UVSSA: variants seen among roughly 807,000 people sequenced by gnomAD.
The protein encoded by UVSSA is UV stimulated scaffold protein A, also known as UV-stimulated scaffold protein A.
Under a neutral mutation model 73.9 loss-of-function variants are expected in UVSSA, and 72 were observed. The observed-to-expected ratio is 0.97, with a 90% CI of 0.81 to 1.19. The LOEUF (loss-of-function observed/expected upper bound fraction) is 1.19. Among genes scored for constraint, UVSSA ranks in the 50% most tolerant of loss-of-function variants. The pLI, the probability that UVSSA is intolerant of heterozygous loss-of-function variation, is 0.00. For missense variants in UVSSA, 1,150 were observed against 965.0 expected, an observed-to-expected ratio of 1.19 and a Z score of -2.54; for synonymous variants, 454 against 391.3, an observed-to-expected ratio of 1.16 and a Z score of -1.89.
chr4:1,346,974 C>A (rs1354138421), upstream of UVSSA, among the ~76,000 whole-genome samples: 1 of 152,222 alleles, frequency 6.6e-6, no homozygotes, highest in African/African-American at 2.4e-5. Context: ...TTTGCGCCTG[C>A]GCCTCCTGGG....
At chr4:1,345,426 C>A (rs1427986812), upstream of UVSSA, among the ~76,000 whole-genome samples, 1 of 152,006 alleles carries the variant, frequency 6.6e-6, no homozygotes, top group Non-Finnish European at 1.5e-5. Flanking sequence ...GGGCGGATCA[C>A]CTGAAGTCAG....
intron 5 of UVSSA, among the ~76,000 whole-genome samples, chr4:1,354,239 A>G (rs1200092987): frequency 1.3e-5 from 2 of 152,094 alleles, no homozygotes; most frequent in East Asian, 3.9e-4. Flanking sequence ...CCTCGCCTGT[A>G]TAGAGCTCTG....
At position 1,347,591 on chromosome 4, in the gene UVSSA, C is replaced by T. The variant is rs1713898071; in HGVS notation, c.-172C>T. 1 of 153,078 alleles carries T rather than the reference C, an allele frequency of 6.5e-6. No homozygotes were observed. The highest frequency in any genetic ancestry group is 2.4e-5 in the African/African-American group (1 of 41,464). The allele number at this position is 153,078 out of a possible 1,614,324, so 9.5% of individuals were successfully genotyped here. ...GCCTTTCCCTGGCGGTGCGGCAGGC[C>T]CTCGCCTCATCCCACCAGGCACGCC... On this transcript the variant is annotated 5_prime_UTR_variant, in exon 1 of 14. Coordinates refer to ENST00000389851, the MANE Select transcript of UVSSA (RefSeq NM_020894.4).
intron 7 of UVSSA, among the ~76,000 whole-genome samples, chr4:1,363,086 C>T (rs560352766): frequency 6.8e-5 from 10 of 146,788 alleles, no homozygotes; most frequent in Admixed American, 1.4e-4. Context: ...CAGTGAAGCC[C>T]CTCAATGCTG....
chr4:1,386,280 C>T lies in UVSSA; in HGVS notation c.*319C>T, dbSNP rs1158035568. 7 of 299,810 alleles carry T rather than the reference C, an allele frequency of 2.3e-5. No homozygotes were observed. Among genetic ancestry groups the T allele is most frequent in the East Asian group, 2.2e-4 (3 of 13,888 alleles). 18.6% of individuals were successfully genotyped at this position (299,810 alleles called of 1,614,324 possible). A position where few individuals can be genotyped will look rare whatever the true frequency, so the allele number is the denominator to read the frequency against. On this transcript the variant is annotated 3_prime_UTR_variant, in exon 14 of 14. Coordinates refer to ENST00000389851, the MANE Select transcript of UVSSA (RefSeq NM_020894.4). ...GTCGTGGTGTGGGGTTCAGCACGGACGGAATGTGTGTGCAGCTCAGCCTTC... is the reference window on the plus strand; with the variant it reads ...GTCGTGGTGTGGGGTTCAGCACGGATGGAATGTGTGTGCAGCTCAGCCTTC...
rs113126416 is a variant in UVSSA, at chr4:1,379,800, G to A, written c.1569-247G>A. Among the ~76,000 whole-genome samples, 4 of 15,136 alleles carry A rather than the reference G, an allele frequency of 2.6e-4. 1 individual carries two copies. The highest frequency in any genetic ancestry group is 4.7e-4 in the Non-Finnish European group (4 of 8,488). 9.9% of individuals were successfully genotyped at this position (15,136 alleles called of 152,430 possible). A position where few individuals can be genotyped will look rare whatever the true frequency, so the allele number is the denominator to read the frequency against. On this transcript the variant is annotated intron_variant, in intron 10 of 13. Coordinates refer to ENST00000389851, the MANE Select transcript of UVSSA (RefSeq NM_020894.4). ...GACGCAGGCGGTCGTGCCCGTGGTC[G>A]CGCGGCTGGTTCACGTGGCATCAGA...
At chr4:1,394,960 ACGT>A in exon 14 of UVSSA, 1 of 1,554,210 alleles carries the variant, frequency 6.4e-7, no homozygotes, top group African/African-American at 1.6e-5. Flanking sequence ...GCCTGCTCAC[ACGT>A]GCCCATGCGG....
In UVSSA at chr4:1,351,817, G is replaced by C; in HGVS notation, c.532G>C (p.Ala178Pro). The C allele has an allele frequency of 6.2e-7, 1 of 1,613,536 alleles. No homozygotes were observed. Among genetic ancestry groups the C allele is most frequent in the Non-Finnish European group, 8.5e-7 (1 of 1,179,732 alleles). ...AATTTATCAAGAAAGAGCCAGCCAG[G>C]CGGAGAGGGAGATGCAAGGCAAGTG... ...DKIYQERASQ[A>P]EREMQEMSGE... The change falls in exon 4 of 14, where the codon GCG becomes CCG. Residue 178 changes from alanine to proline, a missense_variant. Ala to Pro is a conservative substitution (Grantham distance 27, BLOSUM62 -1). Transcript: ENST00000389851.
chr4:1,360,775 G>T (rs1216795891), intron 7 of UVSSA, among the ~76,000 whole-genome samples: 1 of 152,220 alleles, frequency 6.6e-6, no homozygotes, highest in East Asian at 1.9e-4. Flanking sequence ...GCAGAGCTCG[G>T]GGGCAGGAGC....
At position 1,353,311 on chromosome 4, in the gene UVSSA, G is replaced by A; in HGVS notation, c.832G>A (p.Gly278Ser). The A allele has an allele frequency of 4.3e-6, 7 of 1,611,724 alleles. No individual in the cohort carries two copies. The highest frequency in any genetic ancestry group is 5.9e-6 in the Non-Finnish European group (7 of 1,179,856). ...GGCACAGCCATCCCAGACAGCCACA[G>A]GTGACCCCTCAGATGAGGACGAGGA... is the stretch of plus-strand genomic sequence containing the variant. Reference protein sequence around the residue: ...GGAQPSQTATGDPSDEDEDSD... With the variant: ...GGAQPSQTATSDPSDEDEDSD... Residue 278 changes from glycine (G) to serine (S), a missense_variant, in exon 5 of 14, where the codon GGT becomes AGT. Coordinates refer to ENST00000389851, the MANE Select transcript of UVSSA (RefSeq NM_020894.4).
intron 7 of UVSSA, among the ~76,000 whole-genome samples, chr4:1,364,226 C>T (rs1420335662): frequency 2.0e-4 from 14 of 70,566 alleles, no homozygotes; most frequent in East Asian, 3.6e-4. Flanking sequence ...TGCTGGTGCC[C>T]GGGCCCCGTG....
intron 8 of UVSSA, among the ~76,000 whole-genome samples, chr4:1,369,906 G>A (rs569392417): frequency 2.9e-4 from 44 of 152,386 alleles, no homozygotes; most frequent in Non-Finnish European, 4.0e-4. Context: ...GGCGGGCGCC[G>A]CGTTCGGCTG....
intron 3 of UVSSA, among the ~76,000 whole-genome samples, chr4:1,351,186 C>G (rs533201755): frequency 3.9e-5 from 6 of 151,986 alleles, no homozygotes; most frequent in Admixed American, 3.3e-4. Context: ...CTGCCTCAGC[C>G]TCCCAAGTAG....
At chr4:1,393,274 C>G (rs953609443) in exon 14 of UVSSA, 1 of 152,232 alleles carries the variant, frequency 6.6e-6, no homozygotes, top group Non-Finnish European at 1.5e-5. Context: ...TTCCATTTGG[C>G]TCTCTCCTAT....
chr4:1,346,332 C>A (rs1457673146), upstream of UVSSA, among the ~76,000 whole-genome samples: 1 of 152,132 alleles, frequency 6.6e-6, no homozygotes, highest in Non-Finnish European at 1.5e-5. Flanking sequence ...GGAGCCCAGT[C>A]GGGCGTCTGC....
intron 2 of UVSSA, 143 bp downstream of exon 2, chr4:1,348,332 G>C: frequency 1.5e-6 from 1 of 657,686 alleles, no homozygotes; most frequent in Non-Finnish European, 2.6e-6. Context: ...TGCAGTACCC[G>C]GCTCTGACGG....
chr4:1,346,980 C>T (rs1031097669), upstream of UVSSA, among the ~76,000 whole-genome samples: 3 of 152,224 alleles, frequency 2.0e-5, no homozygotes, highest in Non-Finnish European at 4.4e-5. Context: ...CCTGCGCCTC[C>T]TGGGCTGGGG....
At position 1,376,061 on chromosome 4, in the gene UVSSA, G is replaced by A. The variant is rs996973569; in HGVS notation, c.1461G>A (p.Gln487=). The A allele has an allele frequency of 3.1e-5, 50 of 1,600,372 alleles. No homozygotes were observed. Among genetic ancestry groups the A allele is most frequent in the Non-Finnish European group, 4.3e-5 (50 of 1,174,442 alleles). Residue 487 remains glutamine, a synonymous_variant, in exon 10 of 14, where the codon CAG becomes CAA. Coordinates refer to ENST00000389851, the MANE Select transcript of UVSSA (RefSeq NM_020894.4). ...ASPSRALPEP[Q]EAQKLAAERA... is the part of the protein sequence containing the mutation. ...CCTCCAGAGCGTTGCCAGAGCCACA[G>A]GAGGCCCAGAAGCTGGCAGCAGAGC... is the stretch of plus-strand genomic sequence containing the variant.
chr4:1,374,450 G>T (rs1482977115), intron 8 of UVSSA, among the ~76,000 whole-genome samples: 1 of 152,250 alleles, frequency 6.6e-6, no homozygotes, highest in Non-Finnish European at 1.5e-5. Flanking sequence ...TGCAGGAGGA[G>T]GGGAGAGGCA....
Sources: gnomAD v4.1 joint callset for allele counts (sites outside exome capture counted in the v4.1 genomes callset) on GRCh38, gnomAD v4.1.1 for gene constraint, MANE v1.5 for transcripts, NCBI Gene and HGNC (gene_info 2026-07-23, HGNC 2026-07-21) for gene names.